The following BAALC variants were observed in gnomAD, a reference collection of about 807,000 sequenced individuals.
The protein encoded by BAALC is brain and acute leukemia cytoplasmic protein.
In BAALC, 9 loss-of-function variants were observed where a neutral mutation model predicts 15.5. The ratio of observed to expected loss-of-function variants is 0.58; its 90% confidence interval spans 0.35 to 1.02. BAALC has a LOEUF of 1.02. BAALC is among the 50% of genes least tolerant of loss of function. The pLI is 0.02. For missense variants in BAALC, 201 were observed against 192.4 expected (o/e 1.04, Z -0.27); for synonymous variants, 80 against 74.6 (o/e 1.07, Z -0.37).
At chr8:103,194,120 A>C (rs1446554512) in intron 1 of BAALC, among the ~76,000 whole-genome samples, 1 of 152,218 alleles carries the variant, frequency 6.6e-6, no homozygotes, top group Non-Finnish European at 1.5e-5. Flanking sequence ...CTTATGAAGC[A>C]GGGAGAGATT....
At chr8:103,183,691 C>T (rs1357362095) in intron 1 of BAALC, among the ~76,000 whole-genome samples, 2 of 152,250 alleles carry the variant, frequency 1.3e-5, no homozygotes, top group Non-Finnish European at 2.9e-5. Context: ...CTATCCAGCC[C>T]CACCACCTCT....
intron 1 of BAALC, among the ~76,000 whole-genome samples, chr8:103,181,336 A>G (rs936764009): frequency 7.2e-5 from 11 of 152,054 alleles, no homozygotes; most frequent in Admixed American, 4.6e-4. Flanking sequence ...GCAGTGGCGC[A>G]ATCTCAGCTC....
intron 1 of BAALC, among the ~76,000 whole-genome samples, chr8:103,181,524 G>A (rs144631885): frequency 0.031 from 4,716 of 152,098 alleles, 241 homozygotes; most frequent in African/African-American, 0.11. Context: ...TGCCCGCCTT[G>A]GCCTCCCAAA....
chr8:103,212,845 C>A lies in BAALC; in HGVS notation c.161-74C>A, dbSNP rs575260787. The A allele has an allele frequency of 9.2e-5, 135 of 1,472,636 alleles. No homozygotes were observed. The African/African-American group carries it at 1.7e-3, about 19-fold the overall frequency. 91.2% of individuals were successfully genotyped at this position (1,472,636 alleles called of 1,614,324 possible). A position where few individuals can be genotyped will look rare whatever the true frequency, so the allele number is the denominator to read the frequency against. On this transcript the variant is annotated intron_variant, in intron 1 of 2. Coordinates refer to ENST00000309982, the MANE Select transcript of BAALC (RefSeq NM_024812.3). ...TTTTTCATTTTGACTATCTGTTTCT[C>A]CACCATTTTGGGATTGTTTGCAACA...
chr8:103,143,848 G>C (rs931627893), intron 1 of BAALC, among the ~76,000 whole-genome samples: 2 of 152,198 alleles, frequency 1.3e-5, no homozygotes, highest in Non-Finnish European at 2.9e-5. Context: ...GCTCTTCCTA[G>C]AGCCCCTTCT....
chr8:103,185,067 C>T (rs1207707471), intron 1 of BAALC, among the ~76,000 whole-genome samples: 5 of 152,196 alleles, frequency 3.3e-5, no homozygotes, highest in African/African-American at 1.2e-4. Context: ...AGCCTCAACA[C>T]CTAATTCTCT....
At chr8:103,171,424 GAAAAT>G (rs544383112) in intron 1 of BAALC, among the ~76,000 whole-genome samples, 4,484 of 149,484 alleles carry the variant, frequency 0.03, 91 homozygotes, top group Middle Eastern at 0.062. Context: ...GAGAGAGAAT[GAAAAT>G]AAAAAGAAAG....
intron 2 of BAALC, among the ~76,000 whole-genome samples, chr8:103,224,572 G>A (rs899273630): frequency 5.3e-5 from 8 of 152,136 alleles, no homozygotes; most frequent in African/African-American, 1.9e-4. Flanking sequence ...GTTTTGTTGT[G>A]CAGAGGAAGC....
intron 1 of BAALC, among the ~76,000 whole-genome samples, chr8:103,207,898 C>G (rs1033127187): frequency 1.1e-4 from 16 of 152,186 alleles, no homozygotes; most frequent in African/African-American, 3.9e-4. Context: ...AAAATCCATG[C>G]AGCAAAATCA....
At chr8:103,198,103 C>G in intron 1 of BAALC, 1 of 701,554 alleles carries the variant, frequency 1.4e-6, no homozygotes, top group Non-Finnish European at 2.6e-6. Flanking sequence ...TGTTAGGGTG[C>G]CTTGAGGAAC....
chr8:103,214,060 G>A (rs1305062105), intron 2 of BAALC, among the ~76,000 whole-genome samples: 1 of 152,230 alleles, frequency 6.6e-6, no homozygotes, highest in Non-Finnish European at 1.5e-5. Context: ...ATGATTGGCA[G>A]TGGGGGAAAG....
chr8:103,168,301 A>G lies in BAALC; in HGVS notation c.160+27244A>G, dbSNP rs932022328. Among the ~76,000 whole-genome samples the G allele has an allele frequency of 1.4e-4, 22 of 152,252 alleles. 1 individual carries two copies. Among genetic ancestry groups the G allele is most frequent in the African/African-American group, 4.8e-4 (20 of 41,558 alleles). ...ATACTCTTTCTTGATGTTTCGGTCT[A>G]AGGCCTGATCTATTGATTACCCTCA... On this transcript the variant is annotated intron_variant, in intron 1 of 2. Coordinates refer to ENST00000309982, the MANE Select transcript of BAALC (RefSeq NM_024812.3).
At chr8:103,216,279 G>A (rs1308563906) in intron 2 of BAALC, among the ~76,000 whole-genome samples, 5 of 152,154 alleles carry the variant, frequency 3.3e-5, no homozygotes, top group African/African-American at 1.2e-4. Context: ...ATATACCTAG[G>A]AGTGGAATTG....
In BAALC at chr8:103,179,981, G is replaced by A. The variant is rs143137368; in HGVS notation, c.161-32938G>A. ...GCAGAGGGAAGTTGTTGTTCCTGGC[G>A]CAGAGGGAATGTGAGGCCCAAAAGT... On this transcript the variant is annotated intron_variant, in intron 1 of 2. Transcript: ENST00000309982. Among the ~76,000 whole-genome samples, 373 of 152,320 alleles carry A rather than the reference G, an allele frequency of 2.4e-3. 3 individuals are homozygous for A. Among genetic ancestry groups the A allele is most frequent in the Non-Finnish European group, 8.4e-4 (57 of 68,030 alleles).
At chr8:103,200,564 T>C (rs1812192097) in intron 1 of BAALC, 1 of 463,850 alleles carries the variant, frequency 2.2e-6, no homozygotes, top group South Asian at 5.5e-5. Context: ...AACCAAAGAG[T>C]AAAAGACAAC....
chr8:103,174,260 C>A (rs375358682), intron 1 of BAALC, among the ~76,000 whole-genome samples: 115 of 126,702 alleles, frequency 9.1e-4, no homozygotes, highest in East Asian at 9.1e-4. Flanking sequence ...GGCAAAGCAC[C>A]AAAAAAAAAA....
chr8:103,201,327 G>A (rs1812211467), intron 1 of BAALC, among the ~76,000 whole-genome samples: 1 of 152,132 alleles, frequency 6.6e-6, no homozygotes, highest in Admixed American at 6.5e-5. Context: ...CAACCCCTGG[G>A]ACTTTGTTCC....
At chr8:103,178,490 G>C (rs577321412) in intron 1 of BAALC, among the ~76,000 whole-genome samples, 9 of 152,258 alleles carry the variant, frequency 5.9e-5, no homozygotes, top group African/African-American at 1.9e-4. Flanking sequence ...GTTACCATTG[G>C]GGGAAATTAG....
chr8:103,141,483 T>G, intron 1 of BAALC: 1 of 166,772 alleles, frequency 6.0e-6, no homozygotes, highest in Non-Finnish European at 1.3e-5. Flanking sequence ...TCTCATCCAT[T>G]GGCCACCTGG....
Sources: gnomAD v4.1 joint callset for allele counts (sites outside exome capture counted in the v4.1 genomes callset) on GRCh38, gnomAD v4.1.1 for gene constraint, MANE v1.5 for transcripts, NCBI Gene and HGNC (gene_info 2026-07-23, HGNC 2026-07-21) for gene names.